The following NSUN4 variants were observed in gnomAD, a reference collection of about 807,000 sequenced individuals.
NSUN4 encodes NOP2/Sun RNA methyltransferase 4.
NSUN4 carries 31 observed loss-of-function variants against 43.8 expected under a neutral mutation model. The ratio of observed to expected loss-of-function variants is 0.71; its 90% confidence interval spans 0.53 to 0.96. The LOEUF (loss-of-function observed/expected upper bound fraction) is 0.96, where lower values mean the gene tolerates loss of function less well. Ranked by LOEUF, NSUN4 falls within the 40% of genes least tolerant of loss-of-function variation. The probability of loss-of-function intolerance (pLI) is 0.00; values close to 1 mark genes in which losing one functional copy is unlikely to be tolerated. For missense variants in NSUN4, 439 were observed against 475.6 expected, an observed-to-expected ratio of 0.92 and a Z score of 0.72; for synonymous variants, 167 against 184.1, an observed-to-expected ratio of 0.91 and a Z score of 0.75.
At chr1:46,357,561 G>C (rs1663475009) in intron 4 of NSUN4, among the ~76,000 whole-genome samples, 2 of 152,184 alleles carry the variant, frequency 1.3e-5, no homozygotes, top group African/African-American at 4.8e-5. Flanking sequence ...TAGCTCTGCT[G>C]TTTCTCTGCA....
intron 4 of NSUN4, among the ~76,000 whole-genome samples, chr1:46,355,141 C>T (rs1663276425): frequency 1.3e-5 from 2 of 152,160 alleles, no homozygotes; most frequent in Admixed American, 1.3e-4. Flanking sequence ...AATCCTACCA[C>T]TTAGGATTAT....
the NSUN4 span, among the ~76,000 whole-genome samples, chr1:46,379,124 A>G: frequency 6.6e-6 from 1 of 152,200 alleles, no homozygotes; most frequent in Admixed American, 6.5e-5. Flanking sequence ...TATGTAATCA[A>G]CTTAGCAGAG....
At chr1:46,344,015 A>C in intron 1 of NSUN4, 1 of 375,284 alleles carries the variant, frequency 2.7e-6, no homozygotes, top group African/African-American at 2.1e-5. Flanking sequence ...TAGTAACAAG[A>C]TTGCCAGCTA....
chr1:46,342,843 G>T, intron 1 of NSUN4: 1 of 399,048 alleles, frequency 2.5e-6, no homozygotes. Flanking sequence ...CACCCCTTCT[G>T]GCCAGCCCAA....
In NSUN4 at chr1:46,364,899, A is replaced by G. The variant is rs577842204; in HGVS notation, c.*3053A>G. 6.6e-5 allele frequency: 10 copies of G among 152,348 alleles called. No individual in the cohort carries two copies. Among genetic ancestry groups the G allele is most frequent in the African/African-American group, 1.9e-4 (8 of 41,584 alleles). The allele number at this position is 152,348 out of a possible 1,614,324, so 9.4% of individuals were successfully genotyped here. On this transcript the variant is annotated 3_prime_UTR_variant, in exon 6 of 6. Transcript: ENST00000474844. ...AAAGGCACTTTGCAGTGCAGTCCAC[A>G]TGTGCATAAGGACCATGGGGAGCTT... is the stretch of plus-strand genomic sequence containing the variant.
chr1:46,384,294 CA>C, the NSUN4 span, among the ~76,000 whole-genome samples: 1 of 152,154 alleles, frequency 6.6e-6, no homozygotes, highest in Non-Finnish European at 1.5e-5. Flanking sequence ...TCTTTCTCTT[CA>C]AACTTCTTTA....
At chr1:46,358,470 C>T (rs146198646) in intron 4 of NSUN4, among the ~76,000 whole-genome samples, 1,663 of 131,516 alleles carry the variant, frequency 0.013, 40 homozygotes, top group African/African-American at 0.045. Context: ...GGTACGATCT[C>T]GGCTCACTGC....
the NSUN4 span, among the ~76,000 whole-genome samples, chr1:46,372,610 C>G: frequency 2.0e-5 from 3 of 152,174 alleles, no homozygotes; most frequent in Non-Finnish European, 4.4e-5. Flanking sequence ...TTAGATATTC[C>G]TAATTTCTCC....
chr1:46,384,632 A>C, the NSUN4 span, among the ~76,000 whole-genome samples: 1 of 152,214 alleles, frequency 6.6e-6, no homozygotes, highest in East Asian at 1.9e-4. Context: ...AGATAGACAG[A>C]CTAAACTTTT....
intron 1 of NSUN4, chr1:46,343,230 A>C: frequency 2.9e-6 from 1 of 349,684 alleles, no homozygotes. Context: ...TAGCACTCCC[A>C]GGGGCCCACC....
At chr1:46,349,943 A>T (rs1454499536) in intron 3 of NSUN4, among the ~76,000 whole-genome samples, 1 of 152,212 alleles carries the variant, frequency 6.6e-6, no homozygotes, top group Non-Finnish European at 1.5e-5. Flanking sequence ...CTTCTAAGGC[A>T]TGCTTAACTA....
rs1337741959 is a variant in NSUN4, at chr1:46,341,081, G to A, written c.93+162G>A. On this transcript the variant is annotated intron_variant, in intron 1 of 5. Transcript: ENST00000474844. ...GTCTTTTCCGTCACCGCCTCTGTCC[G>A]CACTCTATGTCCCGAGCGTTAGTGT... 3.4e-5 allele frequency: 40 copies of A among 1,162,990 alleles called. No homozygotes were observed. In the South Asian group the frequency reaches 6.2e-4, roughly 18 times the overall value. 72.0% of individuals were successfully genotyped at this position (1,162,990 alleles called of 1,614,324 possible). A position where few individuals can be genotyped will look rare whatever the true frequency, so the allele number is the denominator to read the frequency against.
chr1:46,342,070 T>C, intron 1 of NSUN4: 1 of 674,244 alleles, frequency 1.5e-6, no homozygotes, highest in South Asian at 7.5e-5. Context: ...GGAACTTGCC[T>C]CACGATTTCA....
chr1:46,359,309 T>G (rs1451967881), intron 4 of NSUN4, among the ~76,000 whole-genome samples: 1 of 152,154 alleles, frequency 6.6e-6, no homozygotes. Context: ...TGGTTGCTGT[T>G]TCTGCTGACT....
At chr1:46,348,557 AC>A (rs930119691) in intron 3 of NSUN4, among the ~76,000 whole-genome samples, 48 of 152,052 alleles carry the variant, frequency 3.2e-4, no homozygotes, top group African/African-American at 9.6e-4. Context: ...TATTAAAAAT[AC>A]AAAAAATTAG....
intron 4 of NSUN4, among the ~76,000 whole-genome samples, chr1:46,357,468 A>G (rs1663468773): frequency 1.3e-5 from 2 of 152,210 alleles, no homozygotes; most frequent in African/African-American, 2.4e-5. Context: ...CACAGTTAAC[A>G]CTACTGAAAC....
chr1:46,374,289 CAAAAA>C, the NSUN4 span, among the ~76,000 whole-genome samples: 1 of 42,912 alleles, frequency 2.3e-5, no homozygotes, highest in South Asian at 8.3e-4. Flanking sequence ...TCTGTCTCAC[CAAAAA>C]AAAAAAAAAA....
chr1:46,358,183 C>T (rs1001638949), intron 4 of NSUN4, among the ~76,000 whole-genome samples: 1 of 152,160 alleles, frequency 6.6e-6, no homozygotes, highest in Non-Finnish European at 1.5e-5. Flanking sequence ...GCAACCTCCG[C>T]CTCCTGGGTT....
chr1:46,356,845 T>A (rs1663416126), intron 4 of NSUN4, among the ~76,000 whole-genome samples: 1 of 152,190 alleles, frequency 6.6e-6, no homozygotes, highest in Non-Finnish European at 1.5e-5. Context: ...AACCCCCCCA[T>A]GTCACAACTT....
Sources: gnomAD v4.1 joint callset for allele counts (sites outside exome capture counted in the v4.1 genomes callset) on GRCh38, gnomAD v4.1.1 for gene constraint, MANE v1.5 for transcripts, NCBI Gene and HGNC (gene_info 2026-07-23, HGNC 2026-07-21) for gene names.